RALGPS1: variants seen among roughly 807,000 people sequenced by gnomAD.
RALGPS1 encodes Ral GEF with PH domain and SH3 binding motif 1, also known as ras-specific guanine nucleotide-releasing factor RalGPS1.
A neutral mutation model predicts 78.8 loss-of-function variants in RALGPS1; 19 were observed. The ratio of observed to expected loss-of-function variants is 0.24; its 90% CI spans 0.17 to 0.35. RALGPS1 has a LOEUF of 0.35. Ranked by LOEUF, RALGPS1 falls within the 10% of genes least tolerant of loss-of-function variation. The pLI, the probability that RALGPS1 is intolerant of heterozygous loss-of-function variation, is 1.00. For synonymous variants in RALGPS1, 228 were observed against 256.3 expected, an observed-to-expected ratio of 0.89 and a Z score of 1.06; for missense variants, 454 against 688.3, an observed-to-expected ratio of 0.66 and a Z score of 3.81.
At chr9:127,096,174 A>AG (rs2053112602) in intron 8 of RALGPS1, among the ~76,000 whole-genome samples, 1 of 152,116 alleles carries the variant, frequency 6.6e-6, no homozygotes, top group African/African-American at 2.4e-5. Context: ...TATCCTTCCC[A>AG]GGGAAGGGGA....
At chr9:127,153,375 CTTTTTTTTTTTTTTT>C (rs60308901) in intron 8 of RALGPS1, among the ~76,000 whole-genome samples, 1 of 102,116 alleles carries the variant, frequency 9.8e-6, no homozygotes, top group African/African-American at 3.6e-5. Context: ...TAGAGGATTA[CTTTTTTTTTTTTTTT>C]TTTTTTTTTA....
At chr9:127,092,698 C>G (rs144905981) in intron 8 of RALGPS1, among the ~76,000 whole-genome samples, 46 of 152,268 alleles carry the variant, frequency 3.0e-4, no homozygotes, top group African/African-American at 1.0e-3. Context: ...CTCAGAATGC[C>G]TGAGGGTGAA....
chr9:127,203,197 TAG>T lies in RALGPS1; in HGVS notation c.1247+4134_1247+4135del, dbSNP rs2061737376. Among the ~76,000 whole-genome samples, 5 of 152,150 alleles carry T rather than the reference TAG, an allele frequency of 3.3e-5. No individual in the cohort carries two copies. The South Asian group carries it at 8.3e-4, about 25-fold the overall frequency. On this transcript the variant is annotated intron_variant, in intron 14 of 18. Coordinates refer to ENST00000259351, the MANE Select transcript of RALGPS1 (RefSeq NM_014636.3). ...GCGATCATGTATGTATATATGAAAATAGAGTCTCACTCATCCTGAGTATTTCT... is the reference window on the plus strand; with the variant it reads ...GCGATCATGTATGTATATATGAAAATAGTCTCACTCATCCTGAGTATTTCT...
chr9:127,085,835 T>C (rs919755710), intron 8 of RALGPS1, among the ~76,000 whole-genome samples: 3 of 152,112 alleles, frequency 2.0e-5, no homozygotes, highest in Non-Finnish European at 4.4e-5. Flanking sequence ...CCACTCCAGA[T>C]GTGTGTGGAG....
Position 127,174,728 on chromosome 9 carries a change from A to G in RALGPS1, c.856A>G (p.Ile286Val). The G allele has an allele frequency of 6.2e-7, 1 of 1,614,188 alleles. No individual in the cohort carries two copies. Among genetic ancestry groups the G allele is most frequent in the Non-Finnish European group, 8.5e-7 (1 of 1,180,012 alleles). Residue 286 changes from isoleucine (I) to valine (V), a missense_variant, in exon 11 of 19, where the codon ATC becomes GTC. Coordinates refer to ENST00000259351, the MANE Select transcript of RALGPS1 (RefSeq NM_014636.3). ...EDDNYKLSLRIEPGSSSPRLV... is the reference protein window; with the variant it reads ...EDDNYKLSLRVEPGSSSPRLV... Reference sequence around the variant, plus strand: ...CTTTGTTTTCAGACTGTCGCTCAGAATCGAACCAGGAAGCAGCTCTCCAAG... The same window carrying G: ...CTTTGTTTTCAGACTGTCGCTCAGAGTCGAACCAGGAAGCAGCTCTCCAAG...
intron 1 of RALGPS1, among the ~76,000 whole-genome samples, chr9:126,955,103 C>T (rs369753055): frequency 3.3e-5 from 5 of 152,328 alleles, no homozygotes; most frequent in East Asian, 1.9e-4. Context: ...GTAGAGAGTC[C>T]TTCCTTGACC....
At chr9:126,997,040 A>G (rs1352917928) in intron 4 of RALGPS1, among the ~76,000 whole-genome samples, 1 of 152,204 alleles carries the variant, frequency 6.6e-6, no homozygotes, top group Non-Finnish European at 1.5e-5. Context: ...TCTCAAAATA[A>G]TAAGAGCTAT....
intron 3 of RALGPS1, among the ~76,000 whole-genome samples, chr9:126,971,858 G>T (rs2132466408): frequency 6.6e-6 from 1 of 152,240 alleles, no homozygotes; most frequent in East Asian, 1.9e-4. Flanking sequence ...GAAAACTTAC[G>T]GGATTCTGGA....
At chr9:126,996,894 A>G (rs2133395231) in intron 4 of RALGPS1, among the ~76,000 whole-genome samples, 1 of 152,332 alleles carries the variant, frequency 6.6e-6, no homozygotes, top group East Asian at 1.9e-4. Context: ...AAATCAATAA[A>G]TGTAATCCAG....
At position 127,093,793 on chromosome 9, in the gene RALGPS1, G is replaced by T. The variant is rs377495452; in HGVS notation, c.610+24437G>T. ...AGCCATCCAGGCGTCTCTGGATGACGGTCCAGCCCCCGGGGTCGTGTCTCT... is the reference window on the plus strand; with the variant it reads ...AGCCATCCAGGCGTCTCTGGATGACTGTCCAGCCCCCGGGGTCGTGTCTCT... On this transcript the variant is annotated intron_variant, in intron 8 of 18. Transcript: ENST00000259351. 3.1e-6 allele frequency: 5 copies of T among 1,613,896 alleles called. No individual in the cohort carries two copies. The South Asian group carries it at 3.3e-5, about 11-fold the overall frequency.
intron 14 of RALGPS1, among the ~76,000 whole-genome samples, chr9:127,203,536 C>T (rs1029942541): frequency 6.6e-6 from 1 of 151,736 alleles, no homozygotes; most frequent in Non-Finnish European, 1.5e-5. Context: ...CTTGGAAGGC[C>T]CAGGGTGAGA....
At chr9:126,982,097 A>G (rs1405643765) in intron 4 of RALGPS1, among the ~76,000 whole-genome samples, 1 of 152,316 alleles carries the variant, frequency 6.6e-6, no homozygotes, top group Admixed American at 6.5e-5. Flanking sequence ...ACCCAAGAGA[A>G]CAAGACAGAA....
At chr9:127,034,214 TG>T in intron 4 of RALGPS1, among the ~76,000 whole-genome samples, 1 of 152,274 alleles carries the variant, frequency 6.6e-6, no homozygotes, top group Admixed American at 6.5e-5. Context: ...TGGCCAGAGT[TG>T]TTGAGAAAAG....
chr9:126,952,673 G>GTGTGTGTGTGTGTC (rs771422718), intron 1 of RALGPS1, among the ~76,000 whole-genome samples: 185 of 106,950 alleles, frequency 1.7e-3, no homozygotes, highest in Non-Finnish European at 3.4e-3. Flanking sequence ...GTGTGTGTGT[G>GTGTGTGTGTGTGTC]TGTGTGTCTG....
At chr9:127,060,169 CAGAG>C (rs1198649617) in intron 7 of RALGPS1, among the ~76,000 whole-genome samples, 2 of 152,124 alleles carry the variant, frequency 1.3e-5, no homozygotes, top group African/African-American at 4.8e-5. Flanking sequence ...CCGTAGAAAT[CAGAG>C]AGACACGTCA....
At chr9:126,958,625 C>T (rs1461614999) in intron 1 of RALGPS1, among the ~76,000 whole-genome samples, 1 of 152,196 alleles carries the variant, frequency 6.6e-6, no homozygotes, top group African/African-American at 2.4e-5. Context: ...GATAGTGCTC[C>T]ATCCTGCGGT....
chr9:126,935,434 C>T (rs2036168337), intron 1 of RALGPS1, among the ~76,000 whole-genome samples: 1 of 152,152 alleles, frequency 6.6e-6, no homozygotes, highest in East Asian at 1.9e-4. Context: ...ATCCTAGGTG[C>T]TTCAGTTTAG....
At chr9:126,963,982 A>G (rs1215904504) in intron 2 of RALGPS1, among the ~76,000 whole-genome samples, 1 of 152,156 alleles carries the variant, frequency 6.6e-6, no homozygotes, top group Non-Finnish European at 1.5e-5. Context: ...GCATCAGGAG[A>G]AATCTTTATA....
chr9:126,982,373 A>G (rs2041324716), intron 4 of RALGPS1, among the ~76,000 whole-genome samples: 1 of 152,096 alleles, frequency 6.6e-6, no homozygotes, highest in Non-Finnish European at 1.5e-5. Context: ...AAGTCACGTC[A>G]CCTCTCTAAG....
Sources: allele counts gnomAD v4.1 joint callset (sites outside exome capture counted in the v4.1 genomes callset), GRCh38; gene constraint gnomAD v4.1.1; transcripts MANE v1.5; gene names NCBI Gene and HGNC (gene_info 2026-07-23, HGNC 2026-07-21).